The following TAFA1 variants were observed in gnomAD, a reference collection of about 807,000 sequenced individuals.
TAFA1 encodes the protein TAFA chemokine like family member 1.
TAFA1 carries 4 observed loss-of-function variants against 18.5 expected under a neutral mutation model. The ratio of observed to expected loss-of-function variants is 0.22; its 90% CI spans 0.11 to 0.49. The LOEUF (loss-of-function observed/expected upper bound fraction) is 0.49, where lower values mean the gene tolerates loss of function less well. Ranked by LOEUF, TAFA1 falls within the 20% of genes least tolerant of loss-of-function variation. The pLI, the probability that TAFA1 is intolerant of heterozygous loss-of-function variation, is 0.98. For missense variants in TAFA1, 147 were observed against 169.0 expected (o/e 0.87, Z 0.72); for synonymous variants, 56 against 55.2 (o/e 1.01, Z -0.06).
At chr3:68,171,104 C>A (rs2066047985) in intron 2 of TAFA1, among the ~76,000 whole-genome samples, 2 of 152,116 alleles carry the variant, frequency 1.3e-5, no homozygotes, top group South Asian at 4.1e-4. Flanking sequence ...AGGTTGCTAG[C>A]AGCTGGATTT....
chr3:68,019,361 C>A (rs1247934869), intron 2 of TAFA1, among the ~76,000 whole-genome samples: 1 of 152,176 alleles, frequency 6.6e-6, no homozygotes, highest in Non-Finnish European at 1.5e-5. Context: ...TTCTTTTAGA[C>A]TCCATAGACC....
intron 2 of TAFA1, among the ~76,000 whole-genome samples, chr3:68,060,414 A>G (rs1423788255): frequency 6.6e-6 from 1 of 152,178 alleles, no homozygotes; most frequent in East Asian, 1.9e-4. Context: ...TGACTGATGC[A>G]ACTTCAAGTT....
intron 2 of TAFA1, among the ~76,000 whole-genome samples, chr3:68,187,063 A>G (rs1426247110): frequency 1.3e-5 from 2 of 152,040 alleles, no homozygotes; most frequent in Non-Finnish European, 2.9e-5. Flanking sequence ...CTTTCAGGAA[A>G]TTAGGAGTAC....
At chr3:68,265,701 C>T (rs1300896401) in intron 2 of TAFA1, among the ~76,000 whole-genome samples, 2 of 152,144 alleles carry the variant, frequency 1.3e-5, no homozygotes, top group Admixed American at 1.3e-4. Context: ...TGCTGAGGCT[C>T]ATTACAGAAC....
chr3:68,014,011 T>A (rs1250445260), intron 2 of TAFA1, among the ~76,000 whole-genome samples: 1 of 152,210 alleles, frequency 6.6e-6, no homozygotes, highest in African/African-American at 2.4e-5. Flanking sequence ...ACTGATGTAA[T>A]TACTGGCATT....
chr3:68,253,190 A>C (rs959201587), intron 2 of TAFA1, among the ~76,000 whole-genome samples: 5 of 152,240 alleles, frequency 3.3e-5, no homozygotes, highest in South Asian at 2.1e-4. Flanking sequence ...TACTTATAAA[A>C]GCATTTAGAA....
chr3:68,050,836 G>A (rs539328183), intron 2 of TAFA1, among the ~76,000 whole-genome samples: 1 of 152,302 alleles, frequency 6.6e-6, no homozygotes, highest in Admixed American at 6.5e-5. Flanking sequence ...AAGACAATAA[G>A]TAAATGAATG....
At chr3:68,121,058 G>A (rs945793133) in intron 2 of TAFA1, among the ~76,000 whole-genome samples, 1 of 152,016 alleles carries the variant, frequency 6.6e-6, no homozygotes, top group Non-Finnish European at 1.5e-5. Flanking sequence ...TTTTGTCTCA[G>A]CTCATGTCCA....
chr3:68,271,834 TCTCACACA>T (rs1252610810), intron 2 of TAFA1, among the ~76,000 whole-genome samples: 322 of 150,566 alleles, frequency 2.1e-3, no homozygotes, highest in African/African-American at 7.2e-3. Context: ...TCTCTCTCTC[TCTCACACA>T]CACACACACA....
At chr3:68,079,187 T>G (rs2064865078) in intron 2 of TAFA1, among the ~76,000 whole-genome samples, 3 of 152,242 alleles carry the variant, frequency 2.0e-5, no homozygotes, top group Admixed American at 6.5e-5. Flanking sequence ...TTGCCGTCTA[T>G]TTGATTCTTC....
chr3:68,178,166 T>C (rs1418365689), intron 2 of TAFA1, among the ~76,000 whole-genome samples: 1 of 151,564 alleles, frequency 6.6e-6, no homozygotes, highest in Non-Finnish European at 1.5e-5. Context: ...AAAAAATACA[T>C]GACCCTGCAA....
At chr3:68,138,836 G>T (rs372891047) in intron 2 of TAFA1, among the ~76,000 whole-genome samples, 4 of 152,310 alleles carry the variant, frequency 2.6e-5, no homozygotes, top group African/African-American at 9.6e-5. Context: ...TAACAGTGAG[G>T]TTGCCTTTAG....
At chr3:68,182,747 A>G (rs1201393226) in intron 2 of TAFA1, among the ~76,000 whole-genome samples, 1 of 152,182 alleles carries the variant, frequency 6.6e-6, no homozygotes, top group Non-Finnish European at 1.5e-5. Context: ...GCATTCTTGT[A>G]AACCCTACGT....
intron 3 of TAFA1, among the ~76,000 whole-genome samples, chr3:68,527,778 TA>T (rs2073129311): frequency 6.6e-6 from 1 of 152,094 alleles, no homozygotes; most frequent in Non-Finnish European, 1.5e-5. Flanking sequence ...TTTGAATGAA[TA>T]AAAAATAACT....
chr3:68,183,808 C>T (rs2066236003), intron 2 of TAFA1, among the ~76,000 whole-genome samples: 2 of 152,054 alleles, frequency 1.3e-5, no homozygotes, highest in Non-Finnish European at 2.9e-5. Context: ...TCATTTTGCT[C>T]TGAGAATGGG....
intron 3 of TAFA1, among the ~76,000 whole-genome samples, chr3:68,464,293 G>A (rs1370284280): frequency 6.6e-6 from 1 of 152,130 alleles, no homozygotes; most frequent in Admixed American, 6.6e-5. Context: ...GAATATAAAT[G>A]CATTCCTAAG....
intron 2 of TAFA1, among the ~76,000 whole-genome samples, chr3:68,271,211 A>T (rs2107229321): frequency 6.6e-6 from 1 of 152,112 alleles, no homozygotes; most frequent in Middle Eastern, 3.4e-3. Context: ...ATGAGGGTGC[A>T]AGGATGACCA....
At chr3:68,023,870 A>G (rs1267526264) in intron 2 of TAFA1, among the ~76,000 whole-genome samples, 1 of 152,166 alleles carries the variant, frequency 6.6e-6, no homozygotes, top group Non-Finnish European at 1.5e-5. Context: ...CTTTGAGGCT[A>G]TGGAACTTTC....
chr3:68,313,050 C>A (rs1196320207), intron 2 of TAFA1, among the ~76,000 whole-genome samples: 2 of 151,930 alleles, frequency 1.3e-5, no homozygotes, highest in African/African-American at 2.4e-5. Context: ...CTCATGAGAC[C>A]CATACACTAT....
Sources: allele counts gnomAD v4.1 joint callset (sites outside exome capture counted in the v4.1 genomes callset), GRCh38; gene constraint gnomAD v4.1.1; transcripts MANE v1.5; gene names NCBI Gene and HGNC (gene_info 2026-07-23, HGNC 2026-07-21).